Variants in TENT2 observed in about 807,000 individuals in gnomAD.
TENT2 encodes the protein terminal nucleotidyltransferase 2.
TENT2 carries 44 observed loss-of-function variants against 72.2 expected under a neutral mutation model. The ratio of observed to expected loss-of-function variants is 0.61; its 90% CI spans 0.48 to 0.78. TENT2 has a LOEUF of 0.78. Ranked by LOEUF, TENT2 falls within the 30% of genes least tolerant of loss-of-function variation. The pLI, the probability that TENT2 is intolerant of heterozygous loss-of-function variation, is 0.00. For synonymous variants in TENT2, 212 were observed against 192.5 expected (o/e 1.10, Z -0.84); for missense variants, 541 against 569.6 (o/e 0.95, Z 0.51).
intron 1 of TENT2, among the ~76,000 whole-genome samples, chr5:79,614,411 C>A (rs1757895155): frequency 6.6e-6 from 1 of 152,122 alleles, no homozygotes; most frequent in Non-Finnish European, 1.5e-5. Context: ...CCGAATTAAT[C>A]TACTCTTTTA....
chr5:79,632,875 CCTAT>C (rs1776643966), intron 4 of TENT2, among the ~76,000 whole-genome samples: 2 of 152,078 alleles, frequency 1.3e-5, no homozygotes, highest in South Asian at 4.2e-4. Flanking sequence ...TTGTTTTTTT[CCTAT>C]CTTTCTTTTT....
At chr5:79,661,614 T>TA (rs1802954692) in intron 11 of TENT2, among the ~76,000 whole-genome samples, 1 of 152,196 alleles carries the variant, frequency 6.6e-6, no homozygotes, top group African/African-American at 2.4e-5. Flanking sequence ...GCATTATGTC[T>TA]AAAAAATGTA....
At chr5:79,631,324 A>G (rs1356169814) in intron 4 of TENT2, among the ~76,000 whole-genome samples, 1 of 152,202 alleles carries the variant, frequency 6.6e-6, no homozygotes, top group Non-Finnish European at 1.5e-5. Flanking sequence ...CTGAGACAGA[A>G]TAGAATGGAA....
intron 14 of TENT2, among the ~76,000 whole-genome samples, chr5:79,683,183 A>G (rs1021862950): frequency 9.9e-5 from 15 of 152,186 alleles, no homozygotes; most frequent in Admixed American, 3.3e-4. Context: ...GCCAGGTGCA[A>G]TGGTTCACAC....
chr5:79,679,085 T>C (rs56064438), intron 12 of TENT2, among the ~76,000 whole-genome samples: 9,846 of 152,176 alleles, frequency 0.065, 425 homozygotes, highest in South Asian at 0.12. Context: ...TTTGTATTTT[T>C]AGTAGAGATG....
intron 11 of TENT2, among the ~76,000 whole-genome samples, chr5:79,662,959 A>G (rs1249225142): frequency 1.3e-5 from 2 of 152,210 alleles, no homozygotes; most frequent in Non-Finnish European, 2.9e-5. Context: ...GTGTAGCTGC[A>G]TTCATCTGTT....
intron 4 of TENT2, among the ~76,000 whole-genome samples, chr5:79,626,285 G>A (rs1769774216): frequency 6.6e-6 from 1 of 150,520 alleles, no homozygotes; most frequent in African/African-American, 2.4e-5. Context: ...ATCGATAGGT[G>A]TGGGCCACCA....
intron 11 of TENT2, among the ~76,000 whole-genome samples, chr5:79,662,939 C>T (rs544267396): frequency 3.9e-5 from 6 of 152,216 alleles, no homozygotes; most frequent in Non-Finnish European, 7.3e-5. Flanking sequence ...ACTGAAAAAT[C>T]TGCTATTTAG....
At chr5:79,659,595 A>ATATATAG (rs1561547891) in intron 11 of TENT2, among the ~76,000 whole-genome samples, 4 of 79,180 alleles carry the variant, frequency 5.1e-5, no homozygotes, top group Non-Finnish European at 1.1e-4. Context: ...TATATATATA[A>ATATATAG]TAGCCATCGT....
intron 1 of TENT2, among the ~76,000 whole-genome samples, 198 bp downstream of exon 1, chr5:79,613,273 C>T (rs367785995): frequency 7.9e-5 from 12 of 152,294 alleles, no homozygotes; most frequent in African/African-American, 2.9e-4. Flanking sequence ...GCTTATATGT[C>T]TCAAAACTTA....
intron 8 of TENT2, 121 bp downstream of exon 8, chr5:79,645,313 A>G: frequency 2.5e-6 from 2 of 789,834 alleles, no homozygotes; most frequent in Admixed American, 3.7e-5. Context: ...CAGTTTTTAG[A>G]AATCATTTGA....
intron 1 of TENT2, among the ~76,000 whole-genome samples, chr5:79,618,570 T>C (rs1266189388): frequency 6.6e-6 from 1 of 152,008 alleles, no homozygotes; most frequent in East Asian, 1.9e-4. Context: ...GTTTTATATA[T>C]GCAATGTCTT....
At chr5:79,637,081 A>T (rs563614377) in intron 4 of TENT2, among the ~76,000 whole-genome samples, 135 of 152,270 alleles carry the variant, frequency 8.9e-4, no homozygotes, top group African/African-American at 3.1e-3. Context: ...TCAAGAAAAA[A>T]AAATTAACCA....
chr5:79,680,555 A>G (rs1385027906), intron 13 of TENT2, among the ~76,000 whole-genome samples: 1 of 152,206 alleles, frequency 6.6e-6, no homozygotes, highest in Non-Finnish European at 1.5e-5. Flanking sequence ...CAAGAGGAGT[A>G]TTTAAAATTA....
intron 4 of TENT2, among the ~76,000 whole-genome samples, chr5:79,624,559 G>T (rs1205507117): frequency 1.3e-5 from 2 of 152,038 alleles, no homozygotes; most frequent in African/African-American, 4.8e-5. Flanking sequence ...AAGAAACCTT[G>T]TACCCAATAA....
At chr5:79,617,193 A>G (rs1202492708) in intron 1 of TENT2, among the ~76,000 whole-genome samples, 1 of 151,362 alleles carries the variant, frequency 6.6e-6, no homozygotes, top group Non-Finnish European at 1.5e-5. Context: ...ACTGAAAATG[A>G]GAATTTAGCA....
intron 10 of TENT2, among the ~76,000 whole-genome samples, chr5:79,656,546 A>G (rs780674627): frequency 3.9e-5 from 6 of 151,980 alleles, no homozygotes; most frequent in Non-Finnish European, 7.4e-5. Context: ...TTTATCTCCT[A>G]GTGTCATTGA....
chr5:79,616,736 T>A (rs926838717), intron 1 of TENT2, among the ~76,000 whole-genome samples: 14 of 152,352 alleles, frequency 9.2e-5, no homozygotes, highest in Admixed American at 3.3e-4. Context: ...TTTTCTTTTT[T>A]AAAAATCTCT....
chr5:79,677,578 G>A (rs527505762), intron 12 of TENT2, among the ~76,000 whole-genome samples: 4 of 152,166 alleles, frequency 2.6e-5, no homozygotes, highest in Non-Finnish European at 5.9e-5. Flanking sequence ...TTTTAATTCT[G>A]CAGATTTAGT....
Sources: allele counts gnomAD v4.1 joint callset (sites outside exome capture counted in the v4.1 genomes callset), GRCh38; gene constraint gnomAD v4.1.1; transcripts MANE v1.5; gene names NCBI Gene and HGNC (gene_info 2026-07-23, HGNC 2026-07-21).